Variants in CDH12 observed in about 807,000 individuals in gnomAD.
CDH12 encodes the protein cadherin 12.
A neutral mutation model predicts 74.1 loss-of-function variants in CDH12; 41 were observed. The observed-to-expected ratio is 0.55, with a 90% confidence interval of 0.43 to 0.72. CDH12 has a LOEUF of 0.72. Among genes scored for constraint, CDH12 ranks in the 30% least tolerant of loss-of-function variants. The pLI is 0.00. For missense variants in CDH12, 945 were observed against 977.2 expected (o/e 0.97, Z 0.44); for synonymous variants, 399 against 355.0 (o/e 1.12, Z -1.39).
chr5:22,434,157 A>G (rs1744281686), intron 2 of CDH12, among the ~76,000 whole-genome samples: 1 of 152,028 alleles, frequency 6.6e-6, no homozygotes, highest in Non-Finnish European at 1.5e-5. Flanking sequence ...TTCAAAATAT[A>G]CAAACTCTAT....
At chr5:22,798,415 T>C (rs1748341306) in intron 1 of CDH12, among the ~76,000 whole-genome samples, 1 of 152,080 alleles carries the variant, frequency 6.6e-6, no homozygotes, top group African/African-American at 2.4e-5. Flanking sequence ...TTACAAACAG[T>C]GCAGTTTTTT....
At chr5:22,661,069 G>C (rs1370190614) in intron 1 of CDH12, among the ~76,000 whole-genome samples, 1 of 151,946 alleles carries the variant, frequency 6.6e-6, no homozygotes, top group East Asian at 1.9e-4. Context: ...GTGGATTTCG[G>C]CTTCCCAGTA....
chr5:21,753,047 T>C (rs1439608714), intron 14 of CDH12, among the ~76,000 whole-genome samples: 1 of 152,188 alleles, frequency 6.6e-6, no homozygotes, highest in Non-Finnish European at 1.5e-5. Flanking sequence ...ACTAAATCAA[T>C]GGTGTTTATT....
At chr5:21,907,051 A>T (rs555380030) in intron 6 of CDH12, among the ~76,000 whole-genome samples, 1 of 152,174 alleles carries the variant, frequency 6.6e-6, no homozygotes, top group Non-Finnish European at 1.5e-5. Context: ...GTTACAAAAG[A>T]CAGCCTCAGT....
intron 2 of CDH12, among the ~76,000 whole-genome samples, chr5:22,499,517 C>T (rs910282903): frequency 1.5e-4 from 23 of 152,024 alleles, no homozygotes; most frequent in Admixed American, 5.2e-4. Context: ...CAATGCTATA[C>T]AATGTAACAA....
chr5:22,176,281 T>C (rs1330464848), intron 4 of CDH12, among the ~76,000 whole-genome samples: 1 of 152,144 alleles, frequency 6.6e-6, no homozygotes. Context: ...TGTAAATCCC[T>C]TCATTGTTTT....
intron 1 of CDH12, among the ~76,000 whole-genome samples, chr5:22,839,573 T>C (rs1581051886): frequency 6.6e-6 from 1 of 152,092 alleles, no homozygotes; most frequent in Non-Finnish European, 1.5e-5. Context: ...GCCAGGCTGG[T>C]CTTGAACGCC....
chr5:22,847,777 T>G (rs888574840), intron 1 of CDH12, among the ~76,000 whole-genome samples: 2 of 152,218 alleles, frequency 1.3e-5, no homozygotes, highest in African/African-American at 4.8e-5. Flanking sequence ...ATCCCTCATC[T>G]ATCCTCCAGA....
intron 6 of CDH12, among the ~76,000 whole-genome samples, chr5:21,890,707 TGTATATAAAG>T (rs1752857859): frequency 6.6e-6 from 1 of 152,084 alleles, no homozygotes; most frequent in Non-Finnish European, 1.5e-5. Flanking sequence ...GCAGCAGAGA[TGTATATAAAG>T]GACAAACATG....
intron 2 of CDH12, among the ~76,000 whole-genome samples, chr5:22,479,881 A>T (rs923404706): frequency 6.6e-6 from 1 of 152,220 alleles, no homozygotes; most frequent in African/African-American, 2.4e-5. Flanking sequence ...AGACAAACAA[A>T]TCAACACATT....
At chr5:22,298,337 A>AAC (rs899648516) in intron 3 of CDH12, among the ~76,000 whole-genome samples, 1 of 151,648 alleles carries the variant, frequency 6.6e-6, no homozygotes, top group Non-Finnish European at 1.5e-5. Flanking sequence ...GGTATGTTTA[A>AAC]ACACACACAC....
intron 1 of CDH12, among the ~76,000 whole-genome samples, chr5:22,748,610 T>G (rs933125713): frequency 2.0e-5 from 3 of 152,130 alleles, no homozygotes; most frequent in African/African-American, 7.2e-5. Flanking sequence ...AAAGCACACT[T>G]TTAAGATCTA....
At chr5:22,263,963 T>G (rs1184870334) in intron 3 of CDH12, among the ~76,000 whole-genome samples, 2 of 152,018 alleles carry the variant, frequency 1.3e-5, no homozygotes, top group African/African-American at 4.8e-5. Context: ...AATTTGCCAT[T>G]TGCTAATTTC....
At chr5:21,828,204 C>T (rs745810998) in intron 8 of CDH12, among the ~76,000 whole-genome samples, 14 of 151,890 alleles carry the variant, frequency 9.2e-5, no homozygotes, top group African/African-American at 1.7e-4. Context: ...CTCACTGCAC[C>T]GTCCACCTTC....
intron 6 of CDH12, among the ~76,000 whole-genome samples, chr5:21,923,463 C>T (rs1754450449): frequency 1.3e-5 from 2 of 152,102 alleles, no homozygotes; most frequent in African/African-American, 4.8e-5. Flanking sequence ...CACATCTCAG[C>T]TAGTTTTCTC....
At chr5:22,481,390 T>C (rs1315858452) in intron 2 of CDH12, among the ~76,000 whole-genome samples, 1 of 152,202 alleles carries the variant, frequency 6.6e-6, no homozygotes, top group East Asian at 1.9e-4. Flanking sequence ...CAAAGAAATA[T>C]CTGTACCTTC....
In CDH12 at chr5:21,902,310, A is replaced by G. The variant is rs182455667; in HGVS notation, c.527-47520T>C. Reference sequence around the variant, plus strand: ...TATATGTATATATGTATATATGTGTATATATATATATCTCCCTCGCTATTT... The same window carrying G: ...TATATGTATATATGTATATATGTGTGTATATATATATCTCCCTCGCTATTT... On this transcript the variant is annotated intron_variant, in intron 6 of 14. Transcript: ENST00000382254. Among the ~76,000 whole-genome samples, 630 of 150,638 alleles carry G rather than the reference A, an allele frequency of 4.2e-3. 3 individuals are homozygous for G. The highest frequency in any genetic ancestry group is 0.014 in the African/African-American group (593 of 41,184).
chr5:22,792,337 C>T (rs938751399), intron 1 of CDH12, among the ~76,000 whole-genome samples: 6 of 152,096 alleles, frequency 3.9e-5, no homozygotes, highest in African/African-American at 9.7e-5. Context: ...GATCTGCCTC[C>T]GTCGGCCTCC....
chr5:21,920,458 A>G (rs563064766), intron 6 of CDH12, among the ~76,000 whole-genome samples: 8 of 152,174 alleles, frequency 5.3e-5, no homozygotes, highest in African/African-American at 1.9e-4. Flanking sequence ...GCTCTCACTG[A>G]TAAGTGGGAG....
Sources: allele counts gnomAD v4.1 joint callset (sites outside exome capture counted in the v4.1 genomes callset), GRCh38; gene constraint gnomAD v4.1.1; transcripts MANE v1.5; gene names NCBI Gene and HGNC (gene_info 2026-07-23, HGNC 2026-07-21).